CSMD3: variants seen among roughly 807,000 people sequenced by gnomAD.
The protein encoded by CSMD3 is CUB and Sushi multiple domains 3, also known as CUB and sushi domain-containing protein 3.
A neutral mutation model predicts 435.2 loss-of-function variants in CSMD3; 177 were observed. That is an observed-to-expected ratio of 0.41 (90% CI 0.36 to 0.46). The LOEUF (loss-of-function observed/expected upper bound fraction) is 0.46. CSMD3 is among the 20% of genes least tolerant of loss of function. The probability of loss-of-function intolerance (pLI) is 0.34; values close to 1 mark genes in which losing one functional copy is unlikely to be tolerated. For synonymous variants in CSMD3, 1,656 were observed against 1,520.5 expected (o/e 1.09, Z -2.07); for missense variants, 4,265 against 4,504.6 (o/e 0.95, Z 1.52).
intron 3 of CSMD3, among the ~76,000 whole-genome samples, chr8:113,268,369 T>C (rs958112675): frequency 3.3e-5 from 5 of 151,902 alleles, no homozygotes; most frequent in African/African-American, 1.2e-4. Context: ...TTTACTCATT[T>C]GGCTCTTTAT....
At chr8:112,884,280 C>G (rs1031183861) in intron 10 of CSMD3, among the ~76,000 whole-genome samples, 1 of 151,768 alleles carries the variant, frequency 6.6e-6, no homozygotes, top group Non-Finnish European at 1.5e-5. Flanking sequence ...AAGTAGTCAA[C>G]TAACCCATTA....
intron 27 of CSMD3, among the ~76,000 whole-genome samples, chr8:112,529,312 A>C (rs939536333): frequency 6.6e-6 from 1 of 152,288 alleles, no homozygotes; most frequent in African/African-American, 2.4e-5. Context: ...CAAAAAGCAC[A>C]GTTAATGCGG....
chr8:113,321,817 T>G (rs140039343), intron 1 of CSMD3, among the ~76,000 whole-genome samples: 96 of 152,292 alleles, frequency 6.3e-4, no homozygotes, highest in African/African-American at 2.3e-3. Context: ...TTGGGGTGAA[T>G]GCATTTAACT....
rs901616046 is a variant in CSMD3, at chr8:113,084,238, T to TA, written c.917+14517dup. Reference sequence around the variant, plus strand: ...CTCTACCAAATGCTTTTAAAACTGATAAAAAAATTAGTAAAGTTTCAGGAT... The same window carrying TA: ...CTCTACCAAATGCTTTTAAAACTGATAAAAAAAATTAGTAAAGTTTCAGGAT... On this transcript the variant is annotated intron_variant, in intron 5 of 70. Coordinates refer to ENST00000297405, the MANE Select transcript of CSMD3 (RefSeq NM_198123.2). Among the ~76,000 whole-genome samples the TA allele has an allele frequency of 2.5e-4, 38 of 152,032 alleles. 1 individual carries two copies. The highest frequency in any genetic ancestry group is 7.5e-4 in the African/African-American group (31 of 41,514).
At chr8:113,060,078 G>A (rs1217408437) in intron 5 of CSMD3, among the ~76,000 whole-genome samples, 1 of 141,348 alleles carries the variant, frequency 7.1e-6, no homozygotes, top group Non-Finnish European at 1.5e-5. Context: ...GTGCCATGCT[G>A]GTGCGCTGCA....
chr8:112,594,956 G>A (rs1472676677), intron 22 of CSMD3, among the ~76,000 whole-genome samples: 13 of 152,024 alleles, frequency 8.6e-5, no homozygotes, highest in South Asian at 4.2e-4. Flanking sequence ...AACGCAGAGC[G>A]CCTCTCCTCC....
chr8:112,730,282 T>C (rs943061846), intron 13 of CSMD3, among the ~76,000 whole-genome samples: 5 of 152,098 alleles, frequency 3.3e-5, no homozygotes, highest in African/African-American at 7.2e-5. Context: ...AATACTACCA[T>C]AAGAAAACTG....
chr8:112,282,821 C>T (rs16883361), intron 58 of CSMD3, among the ~76,000 whole-genome samples: 4,503 of 152,104 alleles, frequency 0.03, 227 homozygotes, highest in African/African-American at 0.1. Context: ...TTTGCCTCTG[C>T]AATATTGACA....
intron 45 of CSMD3, among the ~76,000 whole-genome samples, chr8:112,333,448 T>C (rs994009697): frequency 1.3e-5 from 2 of 152,184 alleles, no homozygotes; most frequent in Non-Finnish European, 2.9e-5. Flanking sequence ...ATTATAGGCA[T>C]GAGCCACTGC....
chr8:112,773,878 A>G (rs556580378), intron 13 of CSMD3, among the ~76,000 whole-genome samples: 23 of 152,114 alleles, frequency 1.5e-4, no homozygotes, highest in Non-Finnish European at 2.8e-4. Context: ...AAATAGTAAC[A>G]TAGGGGAACT....
At chr8:112,821,635 C>A (rs987664598) in intron 12 of CSMD3, among the ~76,000 whole-genome samples, 1 of 152,114 alleles carries the variant, frequency 6.6e-6, no homozygotes, top group African/African-American at 2.4e-5. Context: ...CTTTGCTGTG[C>A]AGAAGCTCTT....
At chr8:113,047,036 G>A (rs1358089796) in intron 5 of CSMD3, among the ~76,000 whole-genome samples, 1 of 152,190 alleles carries the variant, frequency 6.6e-6, no homozygotes, top group Non-Finnish European at 1.5e-5. Context: ...TCAGGTTGAT[G>A]GAGTTCTGCA....
At chr8:112,899,092 GA>G (rs1175774515) in intron 10 of CSMD3, among the ~76,000 whole-genome samples, 1 of 151,142 alleles carries the variant, frequency 6.6e-6, no homozygotes, top group Non-Finnish European at 1.5e-5. Context: ...TGTACACCAT[GA>G]AATGTTTAAA....
In CSMD3 at chr8:112,954,712, C is replaced by G; in HGVS notation, c.1392G>C (p.Gly464=). ...FKSRGFKLFP[G]KDNSNKFSIL... ...TAGAAAACTTGTTGCTGTTGTCTTT[C>G]CCTGGAAACAATTTAAATCCTCTAG... The change falls in exon 8 of 71, where the codon GGG becomes GGC. Residue 464 remains glycine (G), a synonymous_variant. Transcript: ENST00000297405. The G allele has an allele frequency of 6.2e-7, 1 of 1,604,448 alleles. No homozygotes were observed. Among genetic ancestry groups the G allele is most frequent in the Non-Finnish European group, 8.5e-7 (1 of 1,172,498 alleles).
At chr8:112,471,728 A>C (rs1427642553) in intron 32 of CSMD3, among the ~76,000 whole-genome samples, 1 of 152,182 alleles carries the variant, frequency 6.6e-6, no homozygotes, top group East Asian at 1.9e-4. Context: ...GCTATCTCTA[A>C]TGATAAAATC....
chr8:112,453,741 TCA>T (rs1816535956), intron 32 of CSMD3, among the ~76,000 whole-genome samples: 1 of 152,154 alleles, frequency 6.6e-6, no homozygotes, highest in Non-Finnish European at 1.5e-5. Flanking sequence ...ATGTCATTTT[TCA>T]CAGAATTAGA....
intron 1 of CSMD3, among the ~76,000 whole-genome samples, chr8:113,339,967 T>C (rs1164971473): frequency 1.3e-5 from 2 of 152,044 alleles, no homozygotes; most frequent in East Asian, 1.9e-4. Context: ...ATTATTAAAA[T>C]ACTATAATCA....
intron 13 of CSMD3, among the ~76,000 whole-genome samples, chr8:112,694,082 T>C (rs1264963537): frequency 6.6e-6 from 1 of 151,886 alleles, no homozygotes; most frequent in Non-Finnish European, 1.5e-5. Flanking sequence ...TAAATACAAT[T>C]TCCCCCCTTA....
At chr8:112,592,349 G>C (rs1001488093) in intron 22 of CSMD3, among the ~76,000 whole-genome samples, 1 of 151,708 alleles carries the variant, frequency 6.6e-6, no homozygotes, top group Non-Finnish European at 1.5e-5. Context: ...GGCAATAATA[G>C]TACTTAACTG....
Sources: allele counts gnomAD v4.1 joint callset (sites outside exome capture counted in the v4.1 genomes callset), GRCh38; gene constraint gnomAD v4.1.1; transcripts MANE v1.5; gene names NCBI Gene and HGNC (gene_info 2026-07-23, HGNC 2026-07-21).